The following POU2F2 variants were observed in gnomAD, a reference collection of about 807,000 sequenced individuals.
POU2F2 encodes the protein POU domain, class 2, transcription factor 2.
Under a neutral mutation model 63.5 loss-of-function variants are expected in POU2F2, and 14 were observed. The observed-to-expected ratio is 0.22, with a 90% CI of 0.15 to 0.34. The LOEUF (loss-of-function observed/expected upper bound fraction) is 0.34, where lower values mean the gene tolerates loss of function less well. Among genes scored for constraint, POU2F2 ranks in the 10% least tolerant of loss-of-function variants. The probability of loss-of-function intolerance (pLI) is 1.00; values close to 1 mark genes in which losing one functional copy is unlikely to be tolerated. For missense variants in POU2F2, 607 were observed against 815.2 expected (o/e 0.74, Z 3.11); for synonymous variants, 306 against 348.6 (o/e 0.88, Z 1.36).
rs1284817585 is a variant in POU2F2, at chr19:42,091,826, T to A, written c.1540+41A>T. On this transcript the variant is annotated intron_variant, in intron 14 of 14. Coordinates refer to ENST00000692977, the MANE Select transcript of POU2F2 (RefSeq NM_001394376.1). ...TGGCAGGGCTCGAGGCCCCAGAGGA[T>A]AGGGCTGGTGACGATGGGTGTGACA... 11 of 1,540,362 alleles carry A rather than the reference T, an allele frequency of 7.1e-6. 1 individual carries two copies. In the South Asian group the frequency reaches 1.3e-4, roughly 18 times the overall value.
intron 1 of POU2F2, among the ~76,000 whole-genome samples, chr19:42,127,427 T>G (rs923800509): frequency 6.6e-6 from 1 of 152,114 alleles, no homozygotes; most frequent in African/African-American, 2.4e-5. Context: ...TTGTCCAGGC[T>G]GGAGTGCAGT....
In POU2F2 at chr19:42,130,381, A is replaced by C. The variant is rs546147506; in HGVS notation, c.28+2003T>G. On this transcript the variant is annotated intron_variant, in intron 1 of 14. Transcript: ENST00000692977. ...ATGGCCAGGGCTGACCTCTGAACCC[A>C]GTTCACAGGTGTGGAGTCTGAGACC... Among the ~76,000 whole-genome samples, 18 of 152,200 alleles carry C rather than the reference A, an allele frequency of 1.2e-4. No individual in the cohort carries two copies. The East Asian group carries it at 2.3e-3, about 20-fold the overall frequency.
chr19:42,141,629 GCAC>G (rs1461852124), intron 2 of POU2F2, among the ~76,000 whole-genome samples: 1 of 151,858 alleles, frequency 6.6e-6, no homozygotes, highest in Non-Finnish European at 1.5e-5. Flanking sequence ...TTACAGGCAT[GCAC>G]CACCACACCT....
At chr19:42,154,695 A>G (rs1297884414) in intron 2 of POU2F2, among the ~76,000 whole-genome samples, 1 of 152,136 alleles carries the variant, frequency 6.6e-6, no homozygotes, top group Non-Finnish European at 1.5e-5. Flanking sequence ...TTGGTAACCC[A>G]CTAGAGACTC....
In POU2F2 at chr19:42,155,386, T is replaced by C. The variant is rs1230650684; in HGVS notation, c.-9+4946A>G. ...TTTCTGTCATGAGGTGCATGCTCCCTGGGTCTCCCTCTCCCTCCACTCCCA... is the reference window on the plus strand; with the variant it reads ...TTTCTGTCATGAGGTGCATGCTCCCCGGGTCTCCCTCTCCCTCCACTCCCA... On this transcript the variant is annotated intron_variant, in intron 2 of 6. Transcript: ENST00000524801. This position sits in a 1 kb window ranked among gnomAD's most constrained non-coding sequence, Gnocchi z 4.2. 6.6e-6 allele frequency among the ~76,000 whole-genome samples: 1 copy of C among 152,150 alleles called. No individual in the cohort carries two copies. The highest frequency in any genetic ancestry group is 1.5e-5 in the Non-Finnish European group (1 of 68,002).
Position 42,096,329 on chromosome 19 carries a change from C to T in POU2F2, c.568-86G>A. The T allele has an allele frequency of 2.2e-6, 3 of 1,350,858 alleles. No individual in the cohort carries two copies. The highest frequency in any genetic ancestry group is 1.5e-5 in the South Asian group (1 of 67,448). The allele number at this position is 1,350,858 out of a possible 1,614,324, so 83.7% of individuals were successfully genotyped here. On this transcript the variant is annotated intron_variant, in intron 7 of 14. Transcript: ENST00000692977. The surrounding 1 kb of genome is among the most constrained non-coding windows in gnomAD (Gnocchi z 4.1). ...GGGTGCACAGTCCCCCTCCCGCCCT[C>T]TTCGCCCCTGCGTTCCATCCGCCGC...
At chr19:42,188,811 G>A (rs1361361384) in intron 1 of POU2F2, among the ~76,000 whole-genome samples, 3 of 146,932 alleles carry the variant, frequency 2.0e-5, no homozygotes, top group African/African-American at 7.5e-5. Flanking sequence ...GAAAGAGAAA[G>A]AAAGAAAAAG....
At chr19:42,098,426 AAAAC>A (rs1478204366) in intron 7 of POU2F2, among the ~76,000 whole-genome samples, 8 of 152,014 alleles carry the variant, frequency 5.3e-5, no homozygotes, top group African/African-American at 1.7e-4. Flanking sequence ...AAAAAAAAAA[AAAAC>A]AAAAAGAAAG....
chr19:42,175,327 A>G (rs1168418538), intron 1 of POU2F2, among the ~76,000 whole-genome samples: 1 of 152,176 alleles, frequency 6.6e-6, no homozygotes, highest in African/African-American at 2.4e-5. Context: ...GAAGTTGGGG[A>G]TTCCTGCCTT....
Position 42,087,937 on chromosome 19 carries a change from G to C in POU2F2, c.*3320C>G, listed in dbSNP as rs2076598937. 6.6e-6 allele frequency: 1 copy of C among 152,254 alleles called. No individual in the cohort carries two copies. Among genetic ancestry groups the C allele is most frequent in the African/African-American group, 2.4e-5 (1 of 41,434 alleles). 9.4% of individuals were successfully genotyped at this position (152,254 alleles called of 1,614,324 possible). A position where few individuals can be genotyped will look rare whatever the true frequency, so the allele number is the denominator to read the frequency against. On this transcript the variant is annotated 3_prime_UTR_variant, in exon 15 of 15. Coordinates refer to ENST00000692977, the MANE Select transcript of POU2F2 (RefSeq NM_001394376.1). ...TGAGATAGTTTTGTTTCCCGGAGTC[G>C]AGACGGGGGACCAGAGTGTAAGGGG...
In POU2F2 at chr19:42,107,617, T is replaced by C. The variant is rs2030333075; in HGVS notation, c.370-7796A>G. Among the ~76,000 whole-genome samples, 11 of 152,342 alleles carry C rather than the reference T, an allele frequency of 7.2e-5. No homozygotes were observed. The South Asian group carries it at 2.3e-3, about 32-fold the overall frequency. ...TACCGCTAATACTACTGTTGTCTGT[T>C]GTCTATATTCATGATAGAGGGACAT... On this transcript the variant is annotated intron_variant, in intron 5 of 14. Coordinates refer to ENST00000692977, the MANE Select transcript of POU2F2 (RefSeq NM_001394376.1).
chr19:42,157,131 G>A (rs905713631), intron 2 of POU2F2: 4 of 152,272 alleles, frequency 2.6e-5, no homozygotes, highest in Admixed American at 6.5e-5. Context: ...CCAGGGGACT[G>A]TAGCTGGCTG....
chr19:42,160,580 G>A (rs77746952), intron 1 of POU2F2, among the ~76,000 whole-genome samples: 14,156 of 152,182 alleles, frequency 0.093, 892 homozygotes, highest in Middle Eastern at 0.2. Context: ...AGTCACTTCT[G>A]GCCTCTGAGC....
rs777094397 is a variant in POU2F2 at position 42,122,374 on chromosome 19, G to A, written c.99C>T (p.Thr33=). ...GATTAGTGTCTGGTCCATTTCTTTC[G>A]GTGTCTGCAAAGAGAGGGAAAGGAT... ...GLDSPSEHTD[T]ERNGPDTNHQ... The change falls in exon 3 of 15, where the codon ACC becomes ACT. Residue 33 remains threonine (T), a synonymous_variant. Coordinates refer to ENST00000692977, the MANE Select transcript of POU2F2 (RefSeq NM_001394376.1). 6.2e-6 allele frequency: 10 copies of A among 1,603,612 alleles called. No homozygotes were observed. The highest frequency in any genetic ancestry group is 3.4e-5 in the Admixed American group (2 of 58,066).
intron 4 of POU2F2, among the ~76,000 whole-genome samples, chr19:42,119,852 T>C (rs944763796): frequency 3.9e-5 from 6 of 152,352 alleles, no homozygotes; most frequent in Admixed American, 2.6e-4. Flanking sequence ...TTTCTGGTTA[T>C]CTTAAAGTCT....
chr19:42,148,509 G>C (rs1256831382), intron 2 of POU2F2, among the ~76,000 whole-genome samples: 1 of 152,156 alleles, frequency 6.6e-6, no homozygotes, highest in Admixed American at 6.5e-5. Flanking sequence ...GCCAGAGGTG[G>C]GGAACTGTGA....
chr19:42,126,279 C>T (rs1035897447), intron 1 of POU2F2, among the ~76,000 whole-genome samples: 1 of 151,892 alleles, frequency 6.6e-6, no homozygotes, highest in African/African-American at 2.4e-5. Context: ...CCTACCCCTA[C>T]TAAAAATACA....
intron 1 of POU2F2, among the ~76,000 whole-genome samples, chr19:42,181,187 C>T (rs922318083): frequency 6.6e-6 from 1 of 152,220 alleles, no homozygotes; most frequent in Non-Finnish European, 1.5e-5. Flanking sequence ...TCTAGGGCTC[C>T]GCCCAGCCCC....
chr19:42,099,300 G>C (rs2077038742), intron 7 of POU2F2: 4 of 537,822 alleles, frequency 7.4e-6, no homozygotes, highest in Admixed American at 6.2e-5. Context: ...TCATGTACTA[G>C]AAAGGGTTAA....
Sources: allele counts gnomAD v4.1 joint callset (sites outside exome capture counted in the v4.1 genomes callset), GRCh38; gene constraint gnomAD v4.1.1; non-coding constraint Gnocchi (gnomAD v3.1); transcripts MANE v1.5; gene names NCBI Gene and HGNC (gene_info 2026-07-23, HGNC 2026-07-21).